CADM2: variants seen among roughly 807,000 people sequenced by gnomAD.
CADM2 encodes immunoglobulin superfamily member 4D.
Under a neutral mutation model 49.8 loss-of-function variants are expected in CADM2, and 12 were observed. The ratio of observed to expected loss-of-function variants is 0.24; its 90% CI spans 0.15 to 0.39. The LOEUF (loss-of-function observed/expected upper bound fraction) is 0.39, where lower values mean the gene tolerates loss of function less well. Ranked by LOEUF, CADM2 falls within the 10% of genes least tolerant of loss-of-function variation. The pLI is 1.00. For missense variants in CADM2, 378 were observed against 492.3 expected, an observed-to-expected ratio of 0.77 and a Z score of 2.20; for synonymous variants, 214 against 175.4, an observed-to-expected ratio of 1.22 and a Z score of -1.74.
At chr3:85,037,577 T>C (rs1271243086) in intron 1 of CADM2, among the ~76,000 whole-genome samples, 2 of 152,228 alleles carry the variant, frequency 1.3e-5, no homozygotes, top group African/African-American at 2.4e-5. Flanking sequence ...TACAGCAGCA[T>C]GGAGGGTGGG....
At chr3:85,835,092 C>A (rs940032213) in intron 3 of CADM2, among the ~76,000 whole-genome samples, 1 of 151,568 alleles carries the variant, frequency 6.6e-6, no homozygotes, top group African/African-American at 2.4e-5. Context: ...TGTGTAACTT[C>A]TTGATGGACA....
rs369721896 is a variant in CADM2 at position 85,031,558 on chromosome 3, G to A, written c.61+71890G>A. ...GAGACGGAGTCTCGCTCTGTCGCCC[G>A]GGCTGGAGTGCAGTGGCGCGATCTC... On this transcript the variant is annotated intron_variant, in intron 1 of 9. Coordinates refer to ENST00000383699, the MANE Select transcript of CADM2 (RefSeq NM_001167675.2). 4.9e-4 allele frequency among the ~76,000 whole-genome samples: 75 copies of A among 151,842 alleles called. 1 individual carries two copies. Among genetic ancestry groups the A allele is most frequent in the East Asian group, 3.7e-3 (19 of 5,132 alleles).
intron 8 of CADM2, among the ~76,000 whole-genome samples, chr3:86,056,080 T>G (rs931672492): frequency 6.6e-6 from 1 of 152,208 alleles, no homozygotes; most frequent in Admixed American, 6.5e-5. Flanking sequence ...ATCACCTAGA[T>G]AGCCTTTAAA....
At chr3:85,289,848 C>T (rs771312919) in intron 1 of CADM2, among the ~76,000 whole-genome samples, 1 of 152,142 alleles carries the variant, frequency 6.6e-6, no homozygotes, top group Non-Finnish European at 1.5e-5. Flanking sequence ...TAGATAGTTA[C>T]TAAAATCATC....
intron 1 of CADM2, among the ~76,000 whole-genome samples, chr3:85,617,519 G>A (rs2063831731): frequency 6.6e-6 from 1 of 152,108 alleles, no homozygotes; most frequent in African/African-American, 2.4e-5. Context: ...TCATCCAGAA[G>A]CTCTCTGAAC....
chr3:85,737,873 T>A (rs1408680316), intron 2 of CADM2, among the ~76,000 whole-genome samples: 1 of 152,166 alleles, frequency 6.6e-6, no homozygotes, highest in Non-Finnish European at 1.5e-5. Context: ...TAACTCACTC[T>A]TTATGTGTTT....
intron 3 of CADM2, among the ~76,000 whole-genome samples, chr3:85,872,413 T>A (rs1319867178): frequency 6.6e-6 from 1 of 152,168 alleles, no homozygotes; most frequent in East Asian, 1.9e-4. Flanking sequence ...ATTTCACATG[T>A]GTCTAATTTG....
chr3:85,433,223 T>C (rs996094070), intron 1 of CADM2, among the ~76,000 whole-genome samples: 1 of 152,104 alleles, frequency 6.6e-6, no homozygotes, highest in African/African-American at 2.4e-5. Context: ...AGCTATCCTT[T>C]GAAGTCCAAA....
At chr3:85,110,824 A>C (rs989203097) in intron 1 of CADM2, among the ~76,000 whole-genome samples, 2 of 151,858 alleles carry the variant, frequency 1.3e-5, no homozygotes, top group African/African-American at 4.8e-5. Flanking sequence ...AGGAAGAAGG[A>C]AGGATCTCAG....
At chr3:85,489,966 A>G (rs1364369442) in intron 1 of CADM2, among the ~76,000 whole-genome samples, 1 of 152,110 alleles carries the variant, frequency 6.6e-6, no homozygotes, top group African/African-American at 2.4e-5. Flanking sequence ...GATCAAACCC[A>G]ATATTTTTGA....
At chr3:85,214,446 C>T (rs2041874220) in intron 1 of CADM2, among the ~76,000 whole-genome samples, 1 of 151,846 alleles carries the variant, frequency 6.6e-6, no homozygotes, top group Non-Finnish European at 1.5e-5. Flanking sequence ...TGGCTACTGC[C>T]TGTATTCCCT....
intron 1 of CADM2, among the ~76,000 whole-genome samples, chr3:85,487,383 G>C (rs1446741592): frequency 6.6e-6 from 1 of 152,064 alleles, no homozygotes; most frequent in Non-Finnish European, 1.5e-5. Flanking sequence ...TAAATAAACC[G>C]GACATGGTGG....
intron 1 of CADM2, among the ~76,000 whole-genome samples, chr3:85,357,977 C>T (rs970753685): frequency 1.3e-5 from 2 of 152,058 alleles, no homozygotes; most frequent in African/African-American, 4.8e-5. Context: ...TCTGATTTCA[C>T]AGTAGATTGC....
At chr3:85,610,856 C>A (rs1394308074) in intron 1 of CADM2, among the ~76,000 whole-genome samples, 1 of 151,854 alleles carries the variant, frequency 6.6e-6, no homozygotes, top group African/African-American at 2.4e-5. Flanking sequence ...TTGAACAGAA[C>A]AACTTGATAT....
At chr3:85,526,179 T>A (rs1207135429) in intron 1 of CADM2, among the ~76,000 whole-genome samples, 1 of 152,124 alleles carries the variant, frequency 6.6e-6, no homozygotes, top group Non-Finnish European at 1.5e-5. Flanking sequence ...CCATTTGTCT[T>A]TGATCTTTCA....
intron 1 of CADM2, among the ~76,000 whole-genome samples, chr3:85,241,699 T>A (rs2042533701): frequency 6.6e-6 from 1 of 151,594 alleles, no homozygotes; most frequent in South Asian, 2.1e-4. Flanking sequence ...AAATCTTTAT[T>A]TGTATATTTA....
rs2044072367 is a variant in CADM2, at chr3:85,300,568, A to G, written c.61+340900A>G. ...TAAAATTGGCACCCTGCACTTCCCA[A>G]ACCTCTTCTGAACTAATCAGTGTCG... is the stretch of plus-strand genomic sequence containing the variant. On this transcript the variant is annotated intron_variant, in intron 1 of 9. Transcript: ENST00000383699. Among the ~76,000 whole-genome samples, 7 of 152,166 alleles carry G rather than the reference A, an allele frequency of 4.6e-5. No homozygotes were observed. The South Asian group carries it at 1.5e-3, about 32-fold the overall frequency.
chr3:85,525,279 A>T, intron 1 of CADM2, among the ~76,000 whole-genome samples: 1 of 152,200 alleles, frequency 6.6e-6, no homozygotes, highest in East Asian at 1.9e-4. Flanking sequence ...TGTTATTTAC[A>T]TCTACCATTA....
At position 86,069,699 on chromosome 3, in the gene CADM2, C is replaced by T; in HGVS notation, c.*2916C>T. 6.6e-6 allele frequency: 1 copy of T among 151,886 alleles called. No individual in the cohort carries two copies. The highest frequency in any genetic ancestry group is 1.5e-5 in the Non-Finnish European group (1 of 67,794). The allele number at this position is 151,886 out of a possible 1,614,324, so 9.4% of individuals were successfully genotyped here. On this transcript the variant is annotated 3_prime_UTR_variant, in exon 10 of 10. Transcript: ENST00000383699. ...TAGGGAACTCAATGGAAGCAGTGTG[C>T]ACACACACACACCCTTAGTAGAATA...
Sources: allele counts gnomAD v4.1 joint callset (sites outside exome capture counted in the v4.1 genomes callset), GRCh38; gene constraint gnomAD v4.1.1; transcripts MANE v1.5; gene names NCBI Gene and HGNC (gene_info 2026-07-23, HGNC 2026-07-21).